RGS3: variants seen among roughly 807,000 people sequenced by gnomAD.
RGS3 encodes regulator of G-protein signalling 3.
Under a neutral mutation model 132.6 loss-of-function variants are expected in RGS3, and 80 were observed. The ratio of observed to expected loss-of-function variants is 0.60; its 90% CI spans 0.50 to 0.73. The LOEUF is 0.73. RGS3 is among the 30% of genes least tolerant of loss of function. RGS3 has a pLI of 0.00. For synonymous variants in RGS3, 598 were observed against 620.6 expected (o/e 0.96, Z 0.54); for missense variants, 1,382 against 1,530.8 (o/e 0.90, Z 1.62).
At chr9:113,473,082 T>C (rs1465267982) in intron 3 of RGS3, among the ~76,000 whole-genome samples, 1 of 152,156 alleles carries the variant, frequency 6.6e-6, no homozygotes, top group Non-Finnish European at 1.5e-5. Flanking sequence ...ATGTTAATTA[T>C]ATCCCAATAC....
In RGS3 at chr9:113,463,672, T is replaced by G. The variant is rs1261184656; in HGVS notation, c.415+1471T>G. On this transcript the variant is annotated intron_variant, in intron 3 of 24. Coordinates refer to ENST00000350696, the Ensembl canonical transcript of RGS3. This position sits in a 1 kb window ranked among gnomAD's most constrained non-coding sequence, Gnocchi z 4.6. ...GGGCCAATCAGGGCCGGGCGCGCCC[T>G]GGCCGTTCCAACGCTTGGGGCAGCC... 42 of 1,281,756 alleles carry G rather than the reference T, an allele frequency of 3.3e-5. 2 individuals are homozygous for G. In the South Asian group the frequency reaches 6.2e-4, roughly 19 times the overall value. The allele number at this position is 1,281,756 out of a possible 1,614,324, so 79.4% of individuals were successfully genotyped here. A position where few individuals can be genotyped will look rare whatever the true frequency, so the allele number is the denominator to read the frequency against.
At chr9:113,557,375 C>T (rs1833611372) in intron 19 of RGS3, among the ~76,000 whole-genome samples, 1 of 152,254 alleles carries the variant, frequency 6.6e-6, no homozygotes, top group African/African-American at 2.4e-5. Context: ...TCAATCATTT[C>T]ATCAATAGTC....
In RGS3 at chr9:113,490,194, G is replaced by GT. The variant is rs575327928; in HGVS notation, c.689+4507dup. 1.1e-4 allele frequency among the ~76,000 whole-genome samples: 17 copies of GT among 152,254 alleles called. No homozygotes were observed. In the East Asian group the frequency reaches 3.3e-3, roughly 29 times the overall value. Reference sequence around the variant, plus strand: ...TTCTTTCAGCTTCAAGTTTCTGGGAGTTTTTTATAGGCACTTTCAAATGTG... The same window carrying GT: ...TTCTTTCAGCTTCAAGTTTCTGGGAGTTTTTTTATAGGCACTTTCAAATGTG... On this transcript the variant is annotated intron_variant, in intron 7 of 24. Transcript: ENST00000350696.
At chr9:113,447,329 G>GTGTATATATATATATATATATATATA (rs1554751009) in intron 1 of RGS3, among the ~76,000 whole-genome samples, 8 of 27,556 alleles carry the variant, frequency 2.9e-4, no homozygotes, top group African/African-American at 6.9e-4. Flanking sequence ...GTATGTATAT[G>GTGTATATATATATATATATATATATA]TATATATATA....
intron 16 of RGS3, among the ~76,000 whole-genome samples, chr9:113,521,421 C>T (rs1831949719): frequency 6.6e-6 from 1 of 152,082 alleles, no homozygotes; most frequent in South Asian, 2.1e-4. Flanking sequence ...AATCCCACTC[C>T]CTGGAGTGAG....
intron 1 of RGS3, among the ~76,000 whole-genome samples, chr9:113,447,777 C>T (rs1829145435): frequency 6.6e-6 from 1 of 151,408 alleles, no homozygotes; most frequent in African/African-American, 2.4e-5. Context: ...CCACTTCTCT[C>T]TGCTTTTTCT....
intron 14 of RGS3, among the ~76,000 whole-genome samples, chr9:113,512,951 C>G (rs1453262290): frequency 5.3e-5 from 8 of 152,166 alleles, no homozygotes; most frequent in Admixed American, 5.2e-4. Context: ...AATCCCAGCA[C>G]TTTGGGAGGC....
intron 19 of RGS3, among the ~76,000 whole-genome samples, chr9:113,550,222 G>T (rs201843510): frequency 1.3e-5 from 2 of 152,290 alleles, no homozygotes; most frequent in East Asian, 3.9e-4. Flanking sequence ...AATTAGCCAG[G>T]CATGGTGGCG....
intron 14 of RGS3, among the ~76,000 whole-genome samples, chr9:113,509,068 G>A (rs1224674225): frequency 6.6e-6 from 1 of 151,956 alleles, no homozygotes; most frequent in African/African-American, 2.4e-5. Context: ...GGTGGATCAC[G>A]AGGTCAGGAG....
exon 2 of RGS3, chr9:113,461,760 C>G: frequency 6.2e-7 from 1 of 1,614,154 alleles, no homozygotes; most frequent in African/African-American, 1.3e-5. Context: ...TCTCACCGTC[C>G]TGAGTGTTGT....
At chr9:113,487,341 G>T (rs929763691) in intron 7 of RGS3, among the ~76,000 whole-genome samples, 5 of 151,558 alleles carry the variant, frequency 3.3e-5, no homozygotes, top group African/African-American at 1.2e-4. Context: ...TCGATCTCCT[G>T]ACCTCATGAT....
intron 7 of RGS3, among the ~76,000 whole-genome samples, chr9:113,493,305 A>C (rs1392651237): frequency 6.6e-6 from 1 of 152,138 alleles, no homozygotes. Flanking sequence ...TTGGGGTGAG[A>C]GCATTGTCCT....
At chr9:113,594,839 C>A in intron 22 of RGS3, 80 bp from the exon 21 acceptor site, 1 of 1,424,604 alleles carries the variant, frequency 7.0e-7, no homozygotes, top group Non-Finnish European at 9.9e-7. Context: ...GGGCAGTAAA[C>A]AAAGGCCGCC....
intron 15 of RGS3, 51 bp from the exon 14 acceptor site, chr9:113,517,490 T>G: frequency 6.8e-7 from 1 of 1,466,560 alleles, no homozygotes; most frequent in Non-Finnish European, 9.5e-7. Flanking sequence ...TCCCCCCGGG[T>G]CCTCACCCAG....
At chr9:113,527,696 G>A (rs768207741) in intron 17 of RGS3, among the ~76,000 whole-genome samples, 39 of 152,154 alleles carry the variant, frequency 2.6e-4, no homozygotes, top group African/African-American at 9.2e-4. Context: ...ACCTTGCTTC[G>A]AGGGGGCCTG....
At chr9:113,546,089 C>T (rs1009007322) in intron 19 of RGS3, among the ~76,000 whole-genome samples, 2 of 152,232 alleles carry the variant, frequency 1.3e-5, no homozygotes, top group Non-Finnish European at 2.9e-5. Context: ...TAAAGCTTGG[C>T]TTTCCAGGCT....
In RGS3 at chr9:113,506,274, T is replaced by G. The variant is rs1317375531; in HGVS notation, c.980-114T>G. The G allele has an allele frequency of 3.1e-6, 2 of 642,186 alleles. No individual in the cohort carries two copies. Among genetic ancestry groups the G allele is most frequent in the Non-Finnish European group, 5.6e-6 (2 of 359,744 alleles). The allele number at this position is 642,186 out of a possible 1,614,324, so 39.8% of individuals were successfully genotyped here. Reference sequence around the variant, plus strand: ...CCCTCATTTCACGGATGAAGAAACTTAGAGAAAAAGGGAGGTCCTTGTCTG... The same window carrying G: ...CCCTCATTTCACGGATGAAGAAACTGAGAGAAAAAGGGAGGTCCTTGTCTG... On this transcript the variant is annotated intron_variant, in intron 11 of 24. Coordinates refer to ENST00000350696, the Ensembl canonical transcript of RGS3. This position sits in a 1 kb window ranked among gnomAD's most constrained non-coding sequence, Gnocchi z 4.7.
At chr9:113,595,550 C>G (rs778676841) in intron 23 of RGS3, 49 bp from the exon 22 acceptor site, 1 of 1,595,932 alleles carries the variant, frequency 6.3e-7, no homozygotes, top group Non-Finnish European at 8.6e-7. Flanking sequence ...ATCTTAAGGG[C>G]AGGAGAGGCT....
exon 1 of RGS3, chr9:113,444,797 AC>A (rs1221786166): frequency 2.0e-5 from 3 of 152,314 alleles, no homozygotes; most frequent in South Asian, 2.1e-4. Flanking sequence ...TCTTTAATGT[AC>A]AGCTGAGACT....
Sources: allele counts gnomAD v4.1 joint callset (sites outside exome capture counted in the v4.1 genomes callset), GRCh38; gene constraint gnomAD v4.1.1; non-coding constraint Gnocchi (gnomAD v3.1); transcripts MANE v1.5; gene names NCBI Gene and HGNC (gene_info 2026-07-23, HGNC 2026-07-21).